The following HIVEP3 variants were observed in gnomAD, a reference collection of about 807,000 sequenced individuals.
HIVEP3 encodes the protein transcription factor HIVEP3.
HIVEP3 carries 49 observed loss-of-function variants against 152.8 expected under a neutral mutation model. That is an observed-to-expected ratio of 0.32 (90% CI 0.26 to 0.41). The LOEUF is 0.41. Among genes scored for constraint, HIVEP3 ranks in the 10% least tolerant of loss-of-function variants. The pLI is 1.00. For missense variants in HIVEP3, 2,790 were observed against 3,103.3 expected (o/e 0.90, Z 2.40); for synonymous variants, 1,269 against 1,289.0 (o/e 0.98, Z 0.33).
intron 2 of HIVEP3, among the ~76,000 whole-genome samples, chr1:41,694,660 T>C (rs1377954627): frequency 6.6e-6 from 1 of 152,190 alleles, no homozygotes; most frequent in Non-Finnish European, 1.5e-5. Context: ...CCAACACCTG[T>C]CCTCAGAGAC....
intron 2 of HIVEP3, among the ~76,000 whole-genome samples, chr1:41,639,635 C>T (rs1325872380): frequency 2.6e-5 from 4 of 152,148 alleles, no homozygotes; most frequent in South Asian, 2.1e-4. Flanking sequence ...TTGGGGTTGG[C>T]TCTGTGACCC....
intron 1 of HIVEP3, among the ~76,000 whole-genome samples, chr1:41,774,081 G>A (rs563509546): frequency 8.3e-4 from 127 of 152,322 alleles, no homozygotes; most frequent in African/African-American, 2.8e-3. Flanking sequence ...CCAATGAGAT[G>A]AGAGGGGATG....
At position 41,866,260 on chromosome 1, in the gene HIVEP3, A is replaced by G. The variant is rs142914831; in HGVS notation, c.-801+52153T>C. Among the ~76,000 whole-genome samples, 10 of 152,342 alleles carry G rather than the reference A, an allele frequency of 6.6e-5. No homozygotes were observed. In the East Asian group the frequency reaches 1.9e-3, roughly 29 times the overall value. On this transcript the variant is annotated intron_variant, in intron 1 of 8. Coordinates refer to ENST00000372583, the MANE Select transcript of HIVEP3 (RefSeq NM_024503.5). ...CCCTTTCCCCAGGCCACCACTCCTC[A>G]GAGGCTGGTCCTCCACCCCAGCTTC...
At chr1:41,913,534 T>C (rs1644827603) in intron 1 of HIVEP3, among the ~76,000 whole-genome samples, 1 of 152,204 alleles carries the variant, frequency 6.6e-6, no homozygotes, top group Non-Finnish European at 1.5e-5. Flanking sequence ...GTAGTTAGAA[T>C]TACAGGTGTG....
chr1:41,700,442 G>T (rs1646344461), intron 2 of HIVEP3, among the ~76,000 whole-genome samples: 1 of 152,152 alleles, frequency 6.6e-6, no homozygotes, highest in Non-Finnish European at 1.5e-5. Flanking sequence ...GATCTCTGTG[G>T]CTGTAAAGTC....
intron 2 of HIVEP3, among the ~76,000 whole-genome samples, chr1:41,668,809 T>C (rs931517638): frequency 1.3e-5 from 2 of 152,254 alleles, no homozygotes; most frequent in African/African-American, 4.8e-5. Context: ...GCTTTGTATA[T>C]ACCATCAAAA....
chr1:41,829,158 CACAGGGGT>C, intron 1 of HIVEP3, among the ~76,000 whole-genome samples: 1 of 152,222 alleles, frequency 6.6e-6, no homozygotes, highest in South Asian at 2.1e-4. Context: ...GTGGAAGCGT[CACAGGGGT>C]ATTATTCCAT....
At position 41,743,714 on chromosome 1, in the gene HIVEP3, G is replaced by A. The variant is rs143638137; in HGVS notation, c.-800-42719C>T. 9.2e-5 allele frequency among the ~76,000 whole-genome samples: 14 copies of A among 152,284 alleles called. No homozygotes were observed. In the East Asian group the frequency reaches 2.7e-3, roughly 29 times the overall value. ...CTCTCTTCTCCATGACTAGAATGTG[G>A]GGGTAGGATCTGCCTCTCTTCCCTC... On this transcript the variant is annotated intron_variant, in intron 1 of 8. Coordinates refer to ENST00000372583, the MANE Select transcript of HIVEP3 (RefSeq NM_024503.5).
intron 1 of HIVEP3, among the ~76,000 whole-genome samples, chr1:41,841,848 G>C (rs1250162408): frequency 1.3e-5 from 2 of 152,162 alleles, no homozygotes; most frequent in African/African-American, 4.8e-5. Context: ...CCAGCACTTT[G>C]GGAAGCCGAG....
chr1:41,681,748 G>T (rs1414456445), intron 2 of HIVEP3, among the ~76,000 whole-genome samples: 3 of 152,190 alleles, frequency 2.0e-5, no homozygotes, highest in Non-Finnish European at 4.4e-5. Flanking sequence ...AGGGAGGAGG[G>T]GCTGGGAGGG....
At chr1:41,796,467 C>T (rs10493097) in intron 1 of HIVEP3, among the ~76,000 whole-genome samples, 1 of 152,138 alleles carries the variant, frequency 6.6e-6, no homozygotes, top group Admixed American at 6.5e-5. Context: ...CTGGTCGATT[C>T]TTTTTCCGTA....
At chr1:41,592,108 C>G (rs1644596708) in intron 3 of HIVEP3, among the ~76,000 whole-genome samples, 1 of 152,134 alleles carries the variant, frequency 6.6e-6, no homozygotes, top group South Asian at 2.1e-4. Context: ...GGTCTCCTCA[C>G]CACAGGCAGC....
chr1:41,923,761 T>C (rs567562434), upstream of HIVEP3, among the ~76,000 whole-genome samples: 30 of 152,322 alleles, frequency 2.0e-4, no homozygotes, highest in African/African-American at 7.2e-4. Context: ...ATTGTACCCA[T>C]AAATATATAC....
chr1:41,772,087 G>A (rs1032296934), intron 1 of HIVEP3, among the ~76,000 whole-genome samples: 2 of 152,138 alleles, frequency 1.3e-5, no homozygotes, highest in Non-Finnish European at 2.9e-5. Flanking sequence ...ACCTCAAGTA[G>A]GCCATGCTTG....
In HIVEP3 at chr1:41,513,203, T is replaced by C. The variant is rs747427683; in HGVS notation, c.6018A>G (p.Ser2006=). 6.2e-7 allele frequency: 1 copy of C among 1,613,778 alleles called. No homozygotes were observed. The highest frequency in any genetic ancestry group is 8.5e-7 in the Non-Finnish European group (1 of 1,179,940). Residue 2006 remains serine, a synonymous_variant, in exon 8 of 9, where the codon TCA becomes TCG. Transcript: ENST00000372583. ...CGTGCAGGCCAGGTGGGCTTGGGGCTGAGGCCTGTGGTTCTCGGGCCGGGG... is the reference window on the plus strand; with the variant it reads ...CGTGCAGGCCAGGTGGGCTTGGGGCCGAGGCCTGTGGTTCTCGGGCCGGGG... ...RCSPAREPQA[S]APSPPGLHVD...
intron 1 of HIVEP3, among the ~76,000 whole-genome samples, chr1:41,761,610 C>T (rs1037287791): frequency 6.6e-6 from 1 of 152,108 alleles, no homozygotes; most frequent in African/African-American, 2.4e-5. Context: ...GTGTGTTATG[C>T]TTATGTAAGT....
chr1:41,729,426 G>A (rs1435128427), intron 1 of HIVEP3, among the ~76,000 whole-genome samples: 2 of 152,208 alleles, frequency 1.3e-5, no homozygotes, highest in Non-Finnish European at 2.9e-5. Flanking sequence ...AAAGCTCATC[G>A]TCACTGCCTC....
At chr1:41,724,443 G>A (rs1009568502) in intron 1 of HIVEP3, among the ~76,000 whole-genome samples, 4 of 152,204 alleles carry the variant, frequency 2.6e-5, no homozygotes, top group Non-Finnish European at 5.9e-5. Flanking sequence ...GCCAAGTAAA[G>A]TGAACAGAAA....
At chr1:41,880,566 G>GTAGGGGGCCACTGA in intron 1 of HIVEP3, among the ~76,000 whole-genome samples, 1 of 152,322 alleles carries the variant, frequency 6.6e-6, no homozygotes, top group African/African-American at 2.4e-5. Context: ...AGGAAGAGTG[G>GTAGGGGGCCACTGA]ATTGGCTTGG....
Sources: allele counts gnomAD v4.1 joint callset (sites outside exome capture counted in the v4.1 genomes callset), GRCh38; gene constraint gnomAD v4.1.1; transcripts MANE v1.5; gene names NCBI Gene and HGNC (gene_info 2026-07-23, HGNC 2026-07-21).